PAPOLA: variants seen among roughly 807,000 people sequenced by gnomAD.
The protein encoded by PAPOLA is polynucleotide adenylyltransferase alpha.
In PAPOLA, 15 loss-of-function variants were observed where a neutral mutation model predicts 100.6. The observed-to-expected ratio is 0.15, with a 90% CI of 0.10 to 0.23. The LOEUF (loss-of-function observed/expected upper bound fraction) is 0.23. Ranked by LOEUF, PAPOLA falls within the 10% of genes least tolerant of loss-of-function variation. The probability of loss-of-function intolerance (pLI) is 1.00; values close to 1 mark genes in which losing one functional copy is unlikely to be tolerated. For missense variants in PAPOLA, 533 were observed against 884.2 expected (o/e 0.60, Z 5.04); for synonymous variants, 293 against 300.0 (o/e 0.98, Z 0.24).
intron 12 of PAPOLA, 139 bp downstream of exon 12, chr14:96,537,199 G>A: frequency 1.6e-6 from 1 of 613,838 alleles, no homozygotes; most frequent in Non-Finnish European, 2.9e-6. Flanking sequence ...CTGTTTTAGT[G>A]AACTCCTTAG....
intron 12 of PAPOLA, among the ~76,000 whole-genome samples, chr14:96,539,777 G>A (rs988941037): frequency 9.2e-5 from 14 of 151,948 alleles, no homozygotes; most frequent in African/African-American, 3.4e-4. Flanking sequence ...TGGTCTGATT[G>A]GGACCTTAAG....
chr14:96,522,664 C>T (rs1250972425), intron 3 of PAPOLA, among the ~76,000 whole-genome samples: 1 of 152,148 alleles, frequency 6.6e-6, no homozygotes, highest in African/African-American at 2.4e-5. Context: ...CTTGGCTTCC[C>T]AAAGTGCCAG....
chr14:96,523,970 C>T (rs985828286), intron 3 of PAPOLA, among the ~76,000 whole-genome samples: 2 of 151,160 alleles, frequency 1.3e-5, no homozygotes, highest in African/African-American at 4.9e-5. Context: ...AAATTACACA[C>T]ATAACTTGTC....
intron 14 of PAPOLA, 129 bp downstream of exon 14, chr14:96,543,022 C>T (rs2140304797): frequency 6.4e-6 from 6 of 933,778 alleles, no homozygotes; most frequent in Non-Finnish European, 9.6e-6. Flanking sequence ...CAATTTAGAA[C>T]TTATAATTTA....
At chr14:96,503,379 G>A (rs11621566) in intron 1 of PAPOLA, among the ~76,000 whole-genome samples, 39,526 of 151,464 alleles carry the variant, frequency 0.26, 5,660 homozygotes, top group African/African-American at 0.4. Flanking sequence ...TGTAAGGCTT[G>A]AAGCTAGTCT....
chr14:96,544,048 C>T (rs1191381285), intron 14 of PAPOLA, 101 bp from the exon 15 acceptor site: 2 of 699,074 alleles, frequency 2.9e-6, no homozygotes, highest in East Asian at 5.2e-5. Context: ...TTTGCTCATA[C>T]ATTTGTATTG....
At chr14:96,535,457 T>C (rs1899437464) in intron 10 of PAPOLA, 9 of 985,082 alleles carry the variant, frequency 9.1e-6, no homozygotes, top group Non-Finnish European at 1.1e-5. Flanking sequence ...AACTCCTTAA[T>C]AGTTTCAGGG....
At chr14:96,533,618 G>C in intron 9 of PAPOLA, 2 of 689,766 alleles carry the variant, frequency 2.9e-6, no homozygotes, top group Non-Finnish European at 3.5e-6. Flanking sequence ...GCAGTGGCAC[G>C]ATCTTGGCTC....
At chr14:96,514,087 G>A (rs1262825470) in intron 1 of PAPOLA, among the ~76,000 whole-genome samples, 1 of 151,848 alleles carries the variant, frequency 6.6e-6, no homozygotes, top group Non-Finnish European at 1.5e-5. Context: ...ATCAGTATAT[G>A]TCCAAAGATG....
Position 96,537,006 on chromosome 14 carries a change from G to T in PAPOLA, c.1061G>T (p.Ser354Ile). 6.2e-7 allele frequency: 1 copy of T among 1,608,912 alleles called. No individual in the cohort carries two copies. The highest frequency in any genetic ancestry group is 8.5e-7 in the Non-Finnish European group (1 of 1,175,438). The change falls in exon 12 of 22, where the codon AGT becomes ATT. Residue 354 changes from serine to isoleucine, a missense_variant. This residue lies in a region of PAPOLA where 87 missense variants were observed against 173.3 expected (regional missense o/e 0.50). Transcript: ENST00000216277. ...GCTATCACAGATGAAATTTTGCTGA[G>T]TAAGGCAGAGTGGTCCAAACTTTTT... Reference protein sequence around the residue: ...GLAITDEILLSKAEWSKLFEA... With the variant: ...GLAITDEILLIKAEWSKLFEA...
chr14:96,514,724 C>T (rs1203742595), intron 1 of PAPOLA, among the ~76,000 whole-genome samples: 2 of 152,140 alleles, frequency 1.3e-5, no homozygotes, highest in African/African-American at 4.8e-5. Context: ...TAAAAACTTT[C>T]GTATTTGGAA....
intron 7 of PAPOLA, chr14:96,531,805 A>C: frequency 7.0e-7 from 1 of 1,419,318 alleles, no homozygotes; most frequent in Non-Finnish European, 9.1e-7. Flanking sequence ...TTAATGGTAT[A>C]CTCAGGACAC....
intron 7 of PAPOLA, chr14:96,531,815 C>T: frequency 7.1e-7 from 1 of 1,407,316 alleles, no homozygotes. Flanking sequence ...ACTCAGGACA[C>T]TTAAAAAGAC....
chr14:96,517,318 G>A (rs540531560), intron 1 of PAPOLA, among the ~76,000 whole-genome samples: 59 of 152,246 alleles, frequency 3.9e-4, no homozygotes, highest in African/African-American at 1.3e-3. Flanking sequence ...ATACAATTAC[G>A]TTAGGATATG....
intron 2 of PAPOLA, 56 bp from the exon 3 acceptor site, chr14:96,520,939 TTAAAACTTTAA>T (rs1222823058): frequency 1.2e-6 from 1 of 819,664 alleles, no homozygotes; most frequent in East Asian, 2.5e-5. Context: ...GAACGCCTAT[TTAAAACTTTAA>T]GAAATTTAAT....
At chr14:96,524,071 T>A (rs542721160) in intron 3 of PAPOLA, among the ~76,000 whole-genome samples, 1 of 152,308 alleles carries the variant, frequency 6.6e-6, no homozygotes, top group African/African-American at 2.4e-5. Flanking sequence ...TTTTGGAGTA[T>A]GAAATAACAC....
chr14:96,530,757 AG>A lies in PAPOLA; in HGVS notation c.496-715del, dbSNP rs1898932623. ...GAAATAATATAGTTTGGACTTTTGG[AG>A]GGACATTGTCGTGTTCATAGATAAT... On this transcript the variant is annotated intron_variant, in intron 6 of 21. Transcript: ENST00000216277. 2.0e-5 allele frequency among the ~76,000 whole-genome samples: 3 copies of A among 152,158 alleles called. No homozygotes were observed. The South Asian group carries it at 6.2e-4, about 32-fold the overall frequency.
intron 10 of PAPOLA, chr14:96,535,095 T>C (rs1899402586): frequency 1.0e-6 from 1 of 983,018 alleles, no homozygotes; most frequent in African/African-American, 1.7e-5. Flanking sequence ...TTCTGTTTCT[T>C]GGGAAGTTAC....
chr14:96,531,677 C>G, intron 7 of PAPOLA, 91 bp downstream of exon 7: 1 of 1,535,646 alleles, frequency 6.5e-7, no homozygotes, highest in Non-Finnish European at 8.8e-7. Flanking sequence ...CTTTTTATAG[C>G]TATATTGTTA....
Sources: gnomAD v4.1 joint callset for allele counts (sites outside exome capture counted in the v4.1 genomes callset) on GRCh38, gnomAD v4.1.1 for gene constraint, gnomAD v4.1.1 regional missense constraint, MANE v1.5 for transcripts, NCBI Gene and HGNC (gene_info 2026-07-23, HGNC 2026-07-21) for gene names.